The following VWDE variants were observed in gnomAD, a reference collection of about 807,000 sequenced individuals.
VWDE encodes von Willebrand factor D and EGF domains.
VWDE carries 207 observed loss-of-function variants against 178.4 expected under a neutral mutation model. The observed-to-expected ratio is 1.16, with a 90% CI of 1.04 to 1.30. The LOEUF (loss-of-function observed/expected upper bound fraction) is 1.30, where lower values mean the gene tolerates loss of function less well. VWDE is among the 50% of genes most tolerant of loss of function. The probability of loss-of-function intolerance (pLI) is 0.00; values close to 1 mark genes in which losing one functional copy is unlikely to be tolerated. For missense variants in VWDE, 2,287 were observed against 1,901.3 expected (o/e 1.20, Z -3.77); for synonymous variants, 738 against 651.4 (o/e 1.13, Z -2.02).
At chr7:12,393,307 A>G (rs1784471657) in intron 2 of VWDE, among the ~76,000 whole-genome samples, 1 of 152,164 alleles carries the variant, frequency 6.6e-6, no homozygotes, top group African/African-American at 2.4e-5. Context: ...CTAAGAATAT[A>G]TGTTTTCTGC....
At chr7:12,399,525 AG>A (rs1784801340) in intron 1 of VWDE, among the ~76,000 whole-genome samples, 1 of 152,326 alleles carries the variant, frequency 6.6e-6, no homozygotes, top group South Asian at 2.1e-4. Flanking sequence ...TTTTAAAAAC[AG>A]GCAGCATAAT....
intron 19 of VWDE, among the ~76,000 whole-genome samples, chr7:12,345,868 T>C (rs1454260451): frequency 6.6e-6 from 1 of 152,176 alleles, no homozygotes; most frequent in Non-Finnish European, 1.5e-5. Flanking sequence ...ATGTTGTTAG[T>C]TGTGCTCAGT....
Position 12,356,108 on chromosome 7 carries a change from T to C in VWDE, c.3745+3A>G, listed in dbSNP as rs764735079. 1.1e-4 allele frequency: 164 copies of C among 1,550,558 alleles called. No homozygotes were observed. Among genetic ancestry groups the C allele is most frequent in the Non-Finnish European group, 1.4e-4 (161 of 1,146,764 alleles). On this transcript the variant is annotated splice_donor_region_variant and intron_variant, in intron 18 of 28. Coordinates refer to ENST00000275358, the MANE Select transcript of VWDE (RefSeq NM_001135924.3). ...TAATTTGTTATGAGGAGCAAAATCT[T>C]ACCTTTGAGCTCAGGTGGACAATCA...
intron 1 of VWDE, among the ~76,000 whole-genome samples, chr7:12,394,472 G>T (rs1196929223): frequency 6.6e-6 from 1 of 152,124 alleles, no homozygotes; most frequent in African/African-American, 2.4e-5. Flanking sequence ...CCTTTTATCT[G>T]AGTAGTCTTT....
intron 21 of VWDE, among the ~76,000 whole-genome samples, chr7:12,343,895 C>G (rs1340992239): frequency 6.6e-6 from 1 of 152,012 alleles, no homozygotes; most frequent in Non-Finnish European, 1.5e-5. Flanking sequence ...TTGCTTGAAG[C>G]TAAAACATTT....
chr7:12,369,445 G>A, intron 12 of VWDE, 100 bp downstream of exon 12: 1 of 1,365,380 alleles, frequency 7.3e-7, no homozygotes, highest in Non-Finnish European at 9.7e-7. Flanking sequence ...TATAAAATCT[G>A]AATAAACACT....
chr7:12,351,581 T>C lies in VWDE; in HGVS notation c.3878A>G (p.Asn1293Ser). ...CTATGACCATTACTTACTGAAGGCATTTCCACTTGTTGGCTTAACATGCCT... is the reference window on the plus strand; with the variant it reads ...CTATGACCATTACTTACTGAAGGCACTTCCACTTGTTGGCTTAACATGCCT... ...RKRHVKPTSGNAFTICKYPCG... is the reference protein window; with the variant it reads ...RKRHVKPTSGSAFTICKYPCG... Residue 1293 changes from asparagine to serine, a missense_variant, in exon 19 of 29, where the codon AAT becomes AGT. Coordinates refer to ENST00000275358, the MANE Select transcript of VWDE (RefSeq NM_001135924.3). 6.5e-7 allele frequency: 1 copy of C among 1,547,862 alleles called. No homozygotes were observed. Among genetic ancestry groups the C allele is most frequent in the South Asian group, 1.2e-5 (1 of 83,072 alleles).
At chr7:12,362,721 CA>C (rs1166242605) in intron 13 of VWDE, among the ~76,000 whole-genome samples, 1 of 152,070 alleles carries the variant, frequency 6.6e-6, no homozygotes, top group Non-Finnish European at 1.5e-5. Flanking sequence ...CCCTAATCTG[CA>C]GCTAACAGAA....
At chr7:12,371,622 G>C (rs1415223480) in intron 10 of VWDE, among the ~76,000 whole-genome samples, 5 of 151,964 alleles carry the variant, frequency 3.3e-5, no homozygotes, top group Non-Finnish European at 7.4e-5. Flanking sequence ...AAAATGGTCT[G>C]TGTTAGTTAC....
chr7:12,369,980 TA>T lies in VWDE; in HGVS notation c.2325del (p.Thr776LeufsTer32). 7 of 1,551,430 alleles carry T rather than the reference TA, an allele frequency of 4.5e-6. No homozygotes were observed. The highest frequency in any genetic ancestry group is 4.4e-6 in the Non-Finnish European group (5 of 1,146,880). On this transcript the variant is annotated frameshift_variant, in exon 12 of 29. Coordinates refer to ENST00000275358, the MANE Select transcript of VWDE (RefSeq NM_001135924.3). LOFTEE classifies it high-confidence loss of function. ...PSLSQTDLEE[L>X]TYFFPEDHAE... is the part of the protein sequence containing the mutation. ...GCATGGTCCTCTGGGAAAAAATAAG[TA>T]AGTTCTTCCAGATCCGTTTGGCTGA...
At position 12,357,389 on chromosome 7, in the gene VWDE, C is replaced by A. The variant is rs1275619402; in HGVS notation, c.3401G>T (p.Gly1134Val). 3.2e-6 allele frequency: 5 copies of A among 1,551,780 alleles called. No homozygotes were observed. The highest frequency in any genetic ancestry group is 2.7e-5 in the African/African-American group (2 of 73,016). Reference protein sequence around the residue: ...GSDIHFTLDSGPEGASVSSAG... With the variant: ...GSDIHFTLDSVPEGASVSSAG... ...AGAGGAAACACTTGCCCCTTCAGGA[C>A]CAGAGTCCAACGTAAAATGGATGTC... The change falls in exon 17 of 29, where the codon GGT (glycine) becomes GTT (valine). Residue 1134 changes from glycine (G) to valine (V), a missense_variant. Coordinates refer to ENST00000275358, the MANE Select transcript of VWDE (RefSeq NM_001135924.3).
In VWDE at chr7:12,370,093, T is replaced by C; in HGVS notation, c.2213A>G (p.His738Arg). The change falls in exon 12 of 29, where the codon CAC becomes CGC. Residue 738 changes from histidine to arginine, a missense_variant. By Grantham distance (29) the His-to-Arg change is conservative (BLOSUM62 0). Coordinates refer to ENST00000275358, the MANE Select transcript of VWDE (RefSeq NM_001135924.3). ...NKKYTQGRGS[H>R]SQEMRYNRQN... is the part of the protein sequence containing the mutation. Reference sequence around the variant, plus strand: ...TCGATTGTACCTCATTTCTTGGCTGTGGCTTCCCCGGCCTTGTGTATATTT... The same window carrying C: ...TCGATTGTACCTCATTTCTTGGCTGCGGCTTCCCCGGCCTTGTGTATATTT... 1.9e-6 allele frequency: 3 copies of C among 1,551,610 alleles called. No homozygotes were observed. The highest frequency in any genetic ancestry group is 1.2e-5 in the South Asian group (1 of 84,062).
intron 18 of VWDE, among the ~76,000 whole-genome samples, chr7:12,355,187 T>A (rs867550912): frequency 6.6e-6 from 1 of 152,022 alleles, no homozygotes; most frequent in Non-Finnish European, 1.5e-5. Context: ...GAGGCTGAGA[T>A]GGGCGGATCA....
chr7:12,341,628 T>C (rs566795754), intron 23 of VWDE, among the ~76,000 whole-genome samples: 1,825 of 98,110 alleles, frequency 0.019, 31 homozygotes, highest in African/African-American at 0.089. Context: ...TGAGACTCTG[T>C]CTAAATGAAA....
At position 12,393,702 on chromosome 7, in the gene VWDE, G is replaced by C. The variant is rs1562520796; in HGVS notation, c.135C>G (p.Leu45=). 2 of 1,551,276 alleles carry C rather than the reference G, an allele frequency of 1.3e-6. No homozygotes were observed. The highest frequency in any genetic ancestry group is 1.7e-6 in the Non-Finnish European group (2 of 1,146,722). Residue 45 remains leucine (L), a synonymous_variant, in exon 2 of 29, where the codon CTC becomes CTG. Transcript: ENST00000275358. ...TTAGGTCTTGAACAGCTGACTGCTG[G>C]AGGTGCCATGAGTCAAAACGGACAC... ...YRSVRFDSWH[L]QQSAVQDLIC...
intron 7 of VWDE, among the ~76,000 whole-genome samples, chr7:12,376,391 TTTC>T (rs1783531522): frequency 6.6e-6 from 1 of 152,110 alleles, no homozygotes; most frequent in African/African-American, 2.4e-5. Flanking sequence ...TCCAGAATTT[TTTC>T]TTCAACAAAC....
chr7:12,341,352 C>T (rs1485852093), intron 23 of VWDE, among the ~76,000 whole-genome samples: 2 of 151,968 alleles, frequency 1.3e-5, no homozygotes, highest in Non-Finnish European at 2.9e-5. Context: ...AACAAGCTTA[C>T]GCCGGGCGCA....
intron 12 of VWDE, 57 bp downstream of exon 12, chr7:12,369,488 C>T (rs1170176020): frequency 6.9e-7 from 1 of 1,457,414 alleles, no homozygotes; most frequent in Non-Finnish European, 9.1e-7. Context: ...AAAGATCAAA[C>T]ACATTTTTAT....
Position 12,331,184 on chromosome 7 carries a change from C to CTTGTAT in VWDE, c.4771_4772insATACAA (p.Ter1591delinsTyrThrArg). On this transcript the variant is annotated stop_lost, in exon 29 of 29. Transcript: ENST00000275358. ...TGTAATTCATATACTTGATGCTACT[C>CTTGTAT]AATGGCGTCTTATCTGTAGTAGGAA... 1.3e-6 allele frequency: 2 copies of CTTGTAT among 1,541,856 alleles called. No homozygotes were observed. Among genetic ancestry groups the CTTGTAT allele is most frequent in the Non-Finnish European group, 1.8e-6 (2 of 1,140,096 alleles).
Sources: gnomAD v4.1 joint callset for allele counts (sites outside exome capture counted in the v4.1 genomes callset) on GRCh38, gnomAD v4.1.1 for gene constraint, MANE v1.5 for transcripts, NCBI Gene and HGNC (gene_info 2026-07-23, HGNC 2026-07-21) for gene names.